The following TMEM92 variants were observed in gnomAD, a reference collection of about 807,000 sequenced individuals.
The protein encoded by TMEM92 is transmembrane protein 92.
TMEM92 carries 15 observed loss-of-function variants against 14.6 expected under a neutral mutation model. The ratio of observed to expected loss-of-function variants is 1.03; its 90% CI spans 0.69 to 1.58. TMEM92 has a LOEUF of 1.58. Among genes scored for constraint, TMEM92 ranks in the 40% most tolerant of loss-of-function variants. TMEM92 has a pLI of 0.00. For synonymous variants in TMEM92, 85 were observed against 83.3 expected (o/e 1.02, Z -0.11); for missense variants, 174 against 202.4 (o/e 0.86, Z 0.85).
At chr17:50,272,563 AG>A (rs1910280648), upstream of TMEM92, among the ~76,000 whole-genome samples, 1 of 152,116 alleles carries the variant, frequency 6.6e-6, no homozygotes, top group African/African-American at 2.4e-5. Context: ...GCAGGGGAGG[AG>A]GGGAGACGGC....
At position 50,277,268 on chromosome 17, in the gene TMEM92, C is replaced by T. The variant is rs145127172; in HGVS notation, c.70-447C>T. Among the ~76,000 whole-genome samples the T allele has an allele frequency of 9.9e-3, 1,503 of 152,160 alleles. 27 individuals carry two copies. Among genetic ancestry groups the T allele is most frequent in the African/African-American group, 0.034 (1,424 of 41,486 alleles). On this transcript the variant is annotated intron_variant, in intron 1 of 4. Coordinates refer to ENST00000507382, the MANE Select transcript of TMEM92 (RefSeq NM_153229.3). ...AGGGGAGGGAGTGCAGCTGCTCACT[C>T]GGGAGGTCTCTACCCCAGGGAGCCA...
At chr17:50,273,539 C>T (rs1485189221), upstream of TMEM92, among the ~76,000 whole-genome samples, 1 of 152,242 alleles carries the variant, frequency 6.6e-6, no homozygotes, top group African/African-American at 2.4e-5. Context: ...CTTGAGTTCC[C>T]GTTTTGTCAA....
upstream of TMEM92, among the ~76,000 whole-genome samples, chr17:50,273,404 C>A (rs79415443): frequency 5.0e-3 from 756 of 152,336 alleles, 2 homozygotes; most frequent in African/African-American, 0.018. Flanking sequence ...CAGGCCCCTC[C>A]GCACTGGGGC....
chr17:50,281,474 C>T lies in TMEM92; in HGVS notation c.*2166C>T, dbSNP rs1910618597. ...AGCCTTTTAAAAGAATAAATAGGAT[C>T]TGTAGCACCAACCCTGCAAAGCATC... is the stretch of plus-strand genomic sequence containing the variant. On this transcript the variant is annotated 3_prime_UTR_variant, in exon 5 of 5. Coordinates refer to ENST00000507382, the MANE Select transcript of TMEM92 (RefSeq NM_153229.3). The T allele has an allele frequency of 6.6e-6, 1 of 152,212 alleles. No homozygotes were observed. Among genetic ancestry groups the T allele is most frequent in the South Asian group, 2.1e-4 (1 of 4,834 alleles). 9.4% of individuals were successfully genotyped at this position (152,212 alleles called of 1,614,324 possible).
At chr17:50,278,707 C>T (rs756242475) in intron 3 of TMEM92, 77 bp downstream of exon 3, 37 of 1,580,464 alleles carry the variant, frequency 2.3e-5, no homozygotes, top group East Asian at 2.0e-4. Context: ...AGGCACCTGC[C>T]GAGGGGGCAG....
rs772331699 is a variant in TMEM92, at chr17:50,274,737, C to T, written c.69+167C>T. On this transcript the variant is annotated intron_variant, in intron 1 of 4. Transcript: ENST00000507382. ...GCTGTGGAGGTGGAGGTGGGGGCAGCGGAGGAGGCTCTGGGAGAGGCTGGG... is the reference window on the plus strand; with the variant it reads ...GCTGTGGAGGTGGAGGTGGGGGCAGTGGAGGAGGCTCTGGGAGAGGCTGGG... 33 of 661,718 alleles carry T rather than the reference C, an allele frequency of 5.0e-5. No homozygotes were observed. The South Asian group carries it at 5.1e-4, about 10-fold the overall frequency. The allele number at this position is 661,718 out of a possible 1,614,324, so 41.0% of individuals were successfully genotyped here.
intron 1 of TMEM92, chr17:50,275,156 G>T (rs950957768): frequency 6.5e-6 from 1 of 153,882 alleles, no homozygotes; most frequent in Non-Finnish European, 1.4e-5. Context: ...TGTTCCCTCC[G>T]CCCTTCTGTT....
At chr17:50,273,219 C>G (rs1910309270), upstream of TMEM92, among the ~76,000 whole-genome samples, 1 of 152,228 alleles carries the variant, frequency 6.6e-6, no homozygotes. Flanking sequence ...CTCCCGCGGT[C>G]CTGGCTGCAC....
chr17:50,273,927 G>T (rs1279558397), upstream of TMEM92, among the ~76,000 whole-genome samples: 2 of 152,162 alleles, frequency 1.3e-5, no homozygotes, highest in Admixed American at 1.3e-4. Flanking sequence ...GGAAGGCCCA[G>T]CTCAGCGGTG....
intron 1 of TMEM92, 105 bp downstream of exon 1, chr17:50,274,675 C>T: frequency 1.0e-6 from 1 of 1,004,062 alleles, no homozygotes; most frequent in Middle Eastern, 2.1e-4. Flanking sequence ...GGATTTCCTC[C>T]TGACCACACA....
At chr17:50,273,286 T>C (rs1204904779), upstream of TMEM92, among the ~76,000 whole-genome samples, 1 of 151,918 alleles carries the variant, frequency 6.6e-6, no homozygotes, top group Non-Finnish European at 1.5e-5. Flanking sequence ...GCCGCGCCCC[T>C]CCCGGCTCCC....
chr17:50,272,425 C>A (rs1910276605), upstream of TMEM92, among the ~76,000 whole-genome samples: 1 of 152,176 alleles, frequency 6.6e-6, no homozygotes, highest in African/African-American at 2.4e-5. Context: ...GGTAGAGACC[C>A]CAGGCCTTGC....
intron 1 of TMEM92, chr17:50,274,789 T>C: frequency 1.7e-6 from 1 of 571,496 alleles, no homozygotes; most frequent in East Asian, 3.1e-5. Flanking sequence ...GGGGATCCTG[T>C]GGTGGGAAGT....
At chr17:50,274,398 G>C (rs1487143028), upstream of TMEM92, 1 of 1,213,950 alleles carries the variant, frequency 8.2e-7, no homozygotes, top group African/African-American at 1.5e-5. Context: ...TCCCGGTGCA[G>C]CTCCGCCCCC....
rs1016265584 is a variant in TMEM92 at position 50,275,383 on chromosome 17, C to A, written c.69+813C>A. 5.3e-5 allele frequency among the ~76,000 whole-genome samples: 8 copies of A among 152,108 alleles called. No homozygotes were observed. In the East Asian group the frequency reaches 1.5e-3, roughly 29 times the overall value. ...CAGAGAGGCTCTGCCAAAACCCTTC[C>A]GTGGACCCGGGTTAGTGAGCAAGGT... is the stretch of plus-strand genomic sequence containing the variant. On this transcript the variant is annotated intron_variant, in intron 1 of 4. Coordinates refer to ENST00000507382, the MANE Select transcript of TMEM92 (RefSeq NM_153229.3).
chr17:50,276,737 A>G (rs1014593035), intron 1 of TMEM92, among the ~76,000 whole-genome samples: 2 of 152,218 alleles, frequency 1.3e-5, no homozygotes, highest in African/African-American at 4.8e-5. Context: ...TCATTCTGCA[A>G]ATATTTTGAC....
chr17:50,278,808 G>A lies in TMEM92; in HGVS notation c.178G>A (p.Val60Ile), dbSNP rs754262836. Reference sequence around the variant, plus strand: ...TGGTGGTCCCCACCCCAGGATCTTCGTCATCATCTTCCTGGTCATCCTGTC... The same window carrying A: ...TGGTGGTCCCCACCCCAGGATCTTCATCATCATCTTCCTGGTCATCCTGTC... ...ELFPGPVRIFVIIFLVILSVF... is the reference protein window; with the variant it reads ...ELFPGPVRIFIIIFLVILSVF... Residue 60 changes from valine (V) to isoleucine (I), a missense_variant, in exon 4 of 5, where the codon GTC (valine) becomes ATC (isoleucine). Val to Ile is a conservative substitution (Grantham distance 29). Coordinates refer to ENST00000507382, the MANE Select transcript of TMEM92 (RefSeq NM_153229.3). The A allele has an allele frequency of 4.0e-5, 65 of 1,610,402 alleles. No individual in the cohort carries two copies. The highest frequency in any genetic ancestry group is 8.8e-5 in the South Asian group (8 of 90,768).
In TMEM92 at chr17:50,278,589, C is replaced by T; in HGVS notation, c.129C>T (p.Asp43=). The T allele has an allele frequency of 1.2e-6, 2 of 1,614,066 alleles. No homozygotes were observed. The highest frequency in any genetic ancestry group is 1.1e-5 in the South Asian group (1 of 91,086). Residue 43 remains aspartate (D), a synonymous_variant, in exon 3 of 5, where the codon GAC becomes GAT. Transcript: ENST00000507382. ...CCAAAGGATTCAAATGCTGTGGTGACAGCTGCTGCCAGGAGAACGAGCTCT... is the reference window on the plus strand; with the variant it reads ...CCAAAGGATTCAAATGCTGTGGTGATAGCTGCTGCCAGGAGAACGAGCTCT... ...ACPKGFKCCG[D]SCCQENELFP...
In TMEM92 at chr17:50,279,241, C is replaced by T; in HGVS notation, c.413C>T (p.Pro138Leu). 1.2e-6 allele frequency: 2 copies of T among 1,613,918 alleles called. No individual in the cohort carries two copies. The highest frequency in any genetic ancestry group is 1.7e-6 in the Non-Finnish European group (2 of 1,179,898). Residue 138 changes from proline to leucine, a missense_variant, in exon 5 of 5, where the codon CCT (proline) becomes CTT (leucine). Coordinates refer to ENST00000507382, the MANE Select transcript of TMEM92 (RefSeq NM_153229.3). ...GGCCCAACTCCCACAGAGCCACCCC[C>T]TCCCTACAGCTTCAGGCCTGAAGAA... ...SLGPTPTEPP[P>L]PYSFRPEEYT... is the part of the protein sequence containing the mutation.
Sources: allele counts gnomAD v4.1 joint callset (sites outside exome capture counted in the v4.1 genomes callset), GRCh38; gene constraint gnomAD v4.1.1; transcripts MANE v1.5; gene names NCBI Gene and HGNC (gene_info 2026-07-23, HGNC 2026-07-21).